Variants in PEBP4 observed in about 807,000 individuals in gnomAD.
The protein encoded by PEBP4 is phosphatidylethanolamine-binding protein 4.
A neutral mutation model predicts 23.9 loss-of-function variants in PEBP4; 22 were observed. The observed-to-expected ratio is 0.92, with a 90% CI of 0.66 to 1.31. The LOEUF (loss-of-function observed/expected upper bound fraction) is 1.31, where lower values mean the gene tolerates loss of function less well. Among genes scored for constraint, PEBP4 ranks in the 40% most tolerant of loss-of-function variants. The pLI is 0.00. For missense variants in PEBP4, 324 were observed against 281.7 expected, an observed-to-expected ratio of 1.15 and a Z score of -1.07; for synonymous variants, 112 against 99.3, an observed-to-expected ratio of 1.13 and a Z score of -0.76.
chr8:22,915,823 G>A (rs1809060675), intron 3 of PEBP4, among the ~76,000 whole-genome samples: 2 of 152,192 alleles, frequency 1.3e-5, no homozygotes, highest in Admixed American at 1.3e-4. Context: ...ATCATTTTGT[G>A]ACTGCAGCAG....
At chr8:22,792,385 G>A (rs1174699525) in intron 4 of PEBP4, among the ~76,000 whole-genome samples, 2 of 152,166 alleles carry the variant, frequency 1.3e-5, no homozygotes, top group Non-Finnish European at 2.9e-5. Flanking sequence ...CTAAGGTGGA[G>A]ATGAAAGAGC....
At chr8:22,738,353 G>A (rs1804915879) in intron 4 of PEBP4, among the ~76,000 whole-genome samples, 1 of 152,190 alleles carries the variant, frequency 6.6e-6, no homozygotes, top group South Asian at 2.1e-4. Context: ...TGGGGGCTCT[G>A]GAGCGGGGGT....
intron 4 of PEBP4, among the ~76,000 whole-genome samples, chr8:22,737,706 T>C (rs1804896848): frequency 1.3e-5 from 2 of 152,230 alleles, no homozygotes; most frequent in South Asian, 4.1e-4. Flanking sequence ...TTCAGTCCAA[T>C]GTCATTACCA....
At chr8:22,832,033 T>C (rs750159367) in intron 3 of PEBP4, among the ~76,000 whole-genome samples, 16 of 151,684 alleles carry the variant, frequency 1.1e-4, no homozygotes, top group Non-Finnish European at 1.3e-4. Flanking sequence ...CTGCATGTGA[T>C]GTGGTGGGGG....
intron 3 of PEBP4, among the ~76,000 whole-genome samples, chr8:22,916,541 T>G (rs118170590): frequency 6.6e-6 from 1 of 151,400 alleles, no homozygotes; most frequent in Admixed American, 6.6e-5. Context: ...CCTGCTGCCC[T>G]GGGTTCACTA....
intron 6 of PEBP4, among the ~76,000 whole-genome samples, chr8:22,715,160 A>AG (rs571978209): frequency 1.8e-3 from 273 of 152,252 alleles, no homozygotes; most frequent in Non-Finnish European, 3.2e-3. Context: ...GATGGGGCCC[A>AG]GGGGGGCTGG....
intron 4 of PEBP4, among the ~76,000 whole-genome samples, chr8:22,788,463 G>A (rs1806072320): frequency 6.6e-6 from 1 of 152,208 alleles, no homozygotes; most frequent in Non-Finnish European, 1.5e-5. Flanking sequence ...TGGCAGTGGG[G>A]ACCGAGGTTG....
chr8:22,821,405 T>C (rs1806854098), intron 3 of PEBP4, among the ~76,000 whole-genome samples: 1 of 151,810 alleles, frequency 6.6e-6, no homozygotes, highest in South Asian at 2.1e-4. Context: ...AGGGCAGACG[T>C]AGGAGAGGAA....
At chr8:22,815,842 G>T (rs1563225545) in intron 4 of PEBP4, among the ~76,000 whole-genome samples, 1 of 152,174 alleles carries the variant, frequency 6.6e-6, no homozygotes, top group African/African-American at 2.4e-5. Context: ...GGGGTAAGGG[G>T]AGTGCAGGAG....
chr8:22,748,959 T>C (rs1415533090), intron 4 of PEBP4, among the ~76,000 whole-genome samples: 1 of 152,092 alleles, frequency 6.6e-6, no homozygotes, highest in African/African-American at 2.4e-5. Context: ...TCAATGCTTT[T>C]TGCTCTGTGT....
intron 2 of PEBP4, among the ~76,000 whole-genome samples, chr8:22,920,910 G>C (rs533070993): frequency 5.0e-4 from 76 of 152,322 alleles, no homozygotes; most frequent in East Asian, 1.7e-3. Context: ...CATCCCTCAG[G>C]GGGTAAAACA....
At chr8:22,739,906 G>A (rs1804953196) in intron 4 of PEBP4, among the ~76,000 whole-genome samples, 1 of 152,316 alleles carries the variant, frequency 6.6e-6, no homozygotes, top group South Asian at 2.1e-4. Context: ...CTGGGGGGAT[G>A]GAGGGGGAGG....
At chr8:22,724,149 C>T (rs777636265) in intron 6 of PEBP4, among the ~76,000 whole-genome samples, 1 of 152,122 alleles carries the variant, frequency 6.6e-6, no homozygotes, top group African/African-American at 2.4e-5. Flanking sequence ...GCTCAGATGG[C>T]GGGTGGGGGA....
At chr8:22,931,359 G>T (rs1234495222), upstream of PEBP4, among the ~76,000 whole-genome samples, 1 of 152,022 alleles carries the variant, frequency 6.6e-6, no homozygotes, top group East Asian at 1.9e-4. Flanking sequence ...CAACCTAAAA[G>T]AAGTCCTGTA....
intron 4 of PEBP4, among the ~76,000 whole-genome samples, chr8:22,788,410 G>A (rs1489780712): frequency 2.6e-5 from 4 of 152,238 alleles, no homozygotes; most frequent in Non-Finnish European, 5.9e-5. Flanking sequence ...GAGGGCCCAT[G>A]AGAGGTGACG....
chr8:22,756,562 A>T lies in PEBP4; in HGVS notation c.358-29342T>A, dbSNP rs568289055. On this transcript the variant is annotated intron_variant, in intron 4 of 6. Coordinates refer to ENST00000256404, the MANE Select transcript of PEBP4 (RefSeq NM_144962.3). Reference sequence around the variant, plus strand: ...ATGCTCCTCCCCACGTGGACTGGGGATGCTTGGGGAAGCAAGCCTTTTCTA... The same window carrying T: ...ATGCTCCTCCCCACGTGGACTGGGGTTGCTTGGGGAAGCAAGCCTTTTCTA... Among the ~76,000 whole-genome samples the T allele has an allele frequency of 5.5e-4, 84 of 152,068 alleles. 1 individual carries two copies. The highest frequency in any genetic ancestry group is 3.1e-3 in the South Asian group (15 of 4,806).
At position 22,800,545 on chromosome 8, in the gene PEBP4, G is replaced by A. The variant is rs570224751; in HGVS notation, c.357+17092C>T. Among the ~76,000 whole-genome samples the A allele has an allele frequency of 6.6e-5, 10 of 152,188 alleles. 1 individual carries two copies. In the East Asian group the frequency reaches 1.5e-3, roughly 24 times the overall value. On this transcript the variant is annotated intron_variant, in intron 4 of 6. Coordinates refer to ENST00000256404, the MANE Select transcript of PEBP4 (RefSeq NM_144962.3). ...CTCTTCATGGCAAAGGAAAATAAAT[G>A]TCCCCTCATTGCTGTGCCCACCCTG...
At chr8:22,882,475 T>G (rs1372454342) in intron 3 of PEBP4, among the ~76,000 whole-genome samples, 1 of 152,156 alleles carries the variant, frequency 6.6e-6, no homozygotes, top group Admixed American at 6.5e-5. Context: ...TACCACGACT[T>G]TTTGTCATGC....
chr8:22,736,264 G>A (rs572651574), intron 4 of PEBP4, among the ~76,000 whole-genome samples: 2 of 152,178 alleles, frequency 1.3e-5, no homozygotes, highest in Non-Finnish European at 2.9e-5. Context: ...AAGAAGGAAA[G>A]AAATAAAGAA....
Sources: allele counts gnomAD v4.1 joint callset (sites outside exome capture counted in the v4.1 genomes callset), GRCh38; gene constraint gnomAD v4.1.1; transcripts MANE v1.5; gene names NCBI Gene and HGNC (gene_info 2026-07-23, HGNC 2026-07-21).